The following NLRP3 variants were observed in gnomAD, a reference collection of about 807,000 sequenced individuals.
NLRP3 encodes NACHT, LRR and PYD domains-containing protein 3.
NLRP3 carries 48 observed loss-of-function variants against 91.3 expected under a neutral mutation model. The observed-to-expected ratio is 0.53, with a 90% CI of 0.42 to 0.67. NLRP3 has a LOEUF of 0.67. Ranked by LOEUF, NLRP3 falls within the 30% of genes least tolerant of loss-of-function variation. The pLI, the probability that NLRP3 is intolerant of heterozygous loss-of-function variation, is 0.00. For missense variants in NLRP3, 982 were observed against 1,276.9 expected (o/e 0.77, Z 3.52); for synonymous variants, 561 against 507.9 (o/e 1.10, Z -1.41).
intron 7 of NLRP3, among the ~76,000 whole-genome samples, chr1:247,440,377 A>G (rs1175251640): frequency 6.6e-6 from 1 of 152,080 alleles, no homozygotes; most frequent in Non-Finnish European, 1.5e-5. Flanking sequence ...GACGGTCCTA[A>G]ATGCTCTGCT....
intron 2 of NLRP3, among the ~76,000 whole-genome samples, chr1:247,421,655 G>T (rs922578009): frequency 7.2e-5 from 11 of 152,124 alleles, no homozygotes; most frequent in South Asian, 2.1e-4. Context: ...ATCCTAACTG[G>T]CCCATGGTTT....
chr1:247,423,407 G>A, intron 3 of NLRP3, 58 bp downstream of exon 3: 2 of 1,609,106 alleles, frequency 1.2e-6, no homozygotes, highest in Middle Eastern at 1.7e-4. Context: ...AGGAGGCTCT[G>A]GGAAGCTGAG....
intron 4 of NLRP3, among the ~76,000 whole-genome samples, chr1:247,428,453 G>C (rs1663063775): frequency 6.6e-6 from 1 of 152,232 alleles, no homozygotes. Flanking sequence ...ATTTGAATGA[G>C]AGCTACAGGT....
chr1:247,419,059 A>G lies in NLRP3; in HGVS notation c.259A>G (p.Arg87Gly). The change falls in exon 2 of 10, where the codon AGA becomes GGA. Residue 87 changes from arginine to glycine, a missense_variant. Coordinates refer to ENST00000336119, the MANE Select transcript of NLRP3 (RefSeq NM_001243133.2). ...GAGAGACCTTTATGAGAAAGCAAAA[A>G]GAGATGAGCCGAAGTGGGGTGAGTG... The part of the protein sequence containing the change: ...NRRDLYEKAK[R>G]DEPKWGSDNA... 1 of 1,612,028 alleles carries G rather than the reference A, an allele frequency of 6.2e-7. No individual in the cohort carries two copies. Among genetic ancestry groups the G allele is most frequent in the Non-Finnish European group, 8.5e-7 (1 of 1,179,988 alleles).
intron 2 of NLRP3, among the ~76,000 whole-genome samples, chr1:247,420,038 G>A (rs1242170020): frequency 6.6e-6 from 1 of 152,182 alleles, no homozygotes; most frequent in African/African-American, 2.4e-5. Context: ...CAGCACACAA[G>A]GGTTCCAATT....
At chr1:247,428,985 C>T (rs1011742633) in intron 4 of NLRP3, among the ~76,000 whole-genome samples, 5 of 151,714 alleles carry the variant, frequency 3.3e-5, no homozygotes, top group African/African-American at 7.3e-5. Context: ...TTCCACCTCC[C>T]AGGTTCAAGT....
chr1:247,427,335 T>C (rs1305845544), intron 4 of NLRP3, among the ~76,000 whole-genome samples: 1 of 152,158 alleles, frequency 6.6e-6, no homozygotes, highest in Non-Finnish European at 1.5e-5. Context: ...ATTCAGACCA[T>C]AGAAATGGGA....
chr1:247,422,656 T>A (rs755822442), intron 2 of NLRP3, among the ~76,000 whole-genome samples: 6 of 152,024 alleles, frequency 3.9e-5, no homozygotes, highest in Non-Finnish European at 8.8e-5. Flanking sequence ...AGTCCTGAAG[T>A]CCATATTTTT....
chr1:247,423,164 C>T (rs931395605), intron 2 of NLRP3, 66 bp from the exon 3 acceptor site: 4 of 1,607,778 alleles, frequency 2.5e-6, no homozygotes, highest in East Asian at 2.2e-5. Flanking sequence ...AAATATTAGG[C>T]CAGGTTTCAA....
At chr1:247,420,870 A>T (rs1216311474) in intron 2 of NLRP3, among the ~76,000 whole-genome samples, 1 of 152,202 alleles carries the variant, frequency 6.6e-6, no homozygotes, top group African/African-American at 2.4e-5. Flanking sequence ...ACCTGCCATG[A>T]TTAGTCCCTC....
At chr1:247,440,105 T>C (rs1355830486) in intron 7 of NLRP3, among the ~76,000 whole-genome samples, 2 of 152,062 alleles carry the variant, frequency 1.3e-5, no homozygotes, top group Non-Finnish European at 2.9e-5. Flanking sequence ...GTGTTAGGTA[T>C]AGCCTATGTG....
At chr1:247,421,454 C>T (rs1054140724) in intron 2 of NLRP3, among the ~76,000 whole-genome samples, 5 of 152,176 alleles carry the variant, frequency 3.3e-5, no homozygotes, top group African/African-American at 1.2e-4. Flanking sequence ...GACCTCATCT[C>T]TAAGTAAATA....
In NLRP3 at chr1:247,425,598, G is replaced by A; in HGVS notation, c.2149G>A (p.Gly717Arg). The change falls in exon 4 of 10, where the codon GGA becomes AGA. Residue 717 changes from glycine (G) to arginine (R), a missense_variant and splice_region_variant. Gly to Arg is a moderately radical substitution (Grantham distance 125, BLOSUM62 -2). Transcript: ENST00000336119. The surrounding 1 kb of genome is among the most constrained non-coding windows in gnomAD (Gnocchi z 4.1). ...CTCCTCTCATGCTGCCTGTTCTCATGGGTAAGGAAACTCGGCTTCCAGGTG... is the reference window on the plus strand; with the variant it reads ...CTCCTCTCATGCTGCCTGTTCTCATAGGTAAGGAAACTCGGCTTCCAGGTG... ...PSSSHAACSH[G>R]LVNSHLTSSF... 1.2e-6 allele frequency: 2 copies of A among 1,604,602 alleles called. No individual in the cohort carries two copies. The highest frequency in any genetic ancestry group is 2.7e-5 in the African/African-American group (2 of 75,030).
chr1:247,423,719 G>C, intron 3 of NLRP3, 128 bp from the exon 4 acceptor site: 1 of 854,472 alleles, frequency 1.2e-6, no homozygotes, highest in Non-Finnish European at 1.9e-6. Context: ...CCTACCCAGT[G>C]GGGAGGAGCT....
intron 2 of NLRP3, among the ~76,000 whole-genome samples, chr1:247,420,722 A>T (rs1001145469): frequency 7.1e-6 from 1 of 140,278 alleles, no homozygotes; most frequent in Non-Finnish European, 1.5e-5. Flanking sequence ...GTTTCAAAAA[A>T]AAATTTTTTT....
At chr1:247,427,775 G>A (rs573097230) in intron 4 of NLRP3, among the ~76,000 whole-genome samples, 846 of 63,934 alleles carry the variant, frequency 0.013, 21 homozygotes, top group African/African-American at 0.052. Flanking sequence ...AGCCCCGGTA[G>A]GAGGCTCAGC....
rs868381519 is a variant in NLRP3, at chr1:247,423,310, G to T, written c.358G>T (p.Glu120Ter). ...SIEEEWMGLLEYLSRISICKM... is the reference protein window; with the variant it reads ...SIEEEWMGLL ...TGAAGAGGAGTGGATGGGTTTACTGGAGTACCTTTCGAGAATCTCTATTTG... is the reference window on the plus strand; with the variant it reads ...TGAAGAGGAGTGGATGGGTTTACTGTAGTACCTTTCGAGAATCTCTATTTG... The change falls in exon 3 of 10, where the codon GAG becomes TAG. Residue 120 changes from glutamate (E) to a stop codon, truncating the protein, a stop_gained. Coordinates refer to ENST00000336119, the MANE Select transcript of NLRP3 (RefSeq NM_001243133.2). LOFTEE classifies it high-confidence loss of function. The T allele has an allele frequency of 6.2e-7, 1 of 1,605,186 alleles. No individual in the cohort carries two copies. Among genetic ancestry groups the T allele is most frequent in the South Asian group, 1.1e-5 (1 of 90,928 alleles).
At chr1:247,438,953 A>G (rs1163004917) in intron 7 of NLRP3, among the ~76,000 whole-genome samples, 1 of 152,086 alleles carries the variant, frequency 6.6e-6, no homozygotes, top group African/African-American at 2.4e-5. Context: ...AGATTGTTAT[A>G]TAATCCATTC....
chr1:247,448,644 G>C lies in NLRP3; in HGVS notation c.*140G>C. ...GGTGGAGTGTCGGAGAAGAGAGCTT[G>C]CCGACGATGCCTTCCTGTGCAGAGC... On this transcript the variant is annotated 3_prime_UTR_variant, in exon 10 of 10. Transcript: ENST00000336119. 1.4e-6 allele frequency: 1 copy of C among 705,062 alleles called. No individual in the cohort carries two copies. The highest frequency in any genetic ancestry group is 2.6e-6 in the Non-Finnish European group (1 of 382,094). 43.7% of individuals were successfully genotyped at this position (705,062 alleles called of 1,614,324 possible).
Sources: gnomAD v4.1 joint callset for allele counts (sites outside exome capture counted in the v4.1 genomes callset) on GRCh38, gnomAD v4.1.1 for gene constraint, Gnocchi (gnomAD v3.1) non-coding constraint, MANE v1.5 for transcripts, NCBI Gene and HGNC (gene_info 2026-07-23, HGNC 2026-07-21) for gene names.